PATJ: variants seen among roughly 807,000 people sequenced by gnomAD.
The protein encoded by PATJ is PATJ crumbs cell polarity complex component, also known as inaD-like protein.
Under a neutral mutation model 224.9 loss-of-function variants are expected in PATJ, and 190 were observed. That is an observed-to-expected ratio of 0.84 (90% CI 0.75 to 0.95). PATJ has a LOEUF of 0.95. Among genes scored for constraint, PATJ ranks in the 40% least tolerant of loss-of-function variants. The probability of loss-of-function intolerance (pLI) is 0.00; values close to 1 mark genes in which losing one functional copy is unlikely to be tolerated. For missense variants in PATJ, 2,121 were observed against 2,270.3 expected (o/e 0.93, Z 1.34); for synonymous variants, 769 against 820.3 (o/e 0.94, Z 1.07).
chr1:62,159,899 T>G (rs752659931), intron 43 of PATJ, among the ~76,000 whole-genome samples: 5 of 152,144 alleles, frequency 3.3e-5, no homozygotes, highest in Non-Finnish European at 7.3e-5. Context: ...TTCTCACGGT[T>G]TAGAAAACCT....
At chr1:61,986,762 C>G (rs1401915923) in intron 27 of PATJ, among the ~76,000 whole-genome samples, 8 of 152,126 alleles carry the variant, frequency 5.3e-5, no homozygotes, top group Non-Finnish European at 8.8e-5. Context: ...AAGAGCCTAT[C>G]TTATTAATGT....
At chr1:61,846,011 A>G (rs1661890428) in intron 17 of PATJ, 1 of 152,214 alleles carries the variant, frequency 6.6e-6, no homozygotes, top group South Asian at 2.1e-4. Context: ...TCTAAGTTAC[A>G]TATGCTCAGT....
At chr1:61,813,378 T>TATATACAC (rs1376176032) in intron 14 of PATJ, among the ~76,000 whole-genome samples, 1 of 46,354 alleles carries the variant, frequency 2.2e-5, no homozygotes. Context: ...TATATATATA[T>TATATACAC]ACACACACAC....
intron 1 of PATJ, among the ~76,000 whole-genome samples, 162 bp from the exon 2 acceptor site, chr1:61,762,696 C>T (rs555893526): frequency 1.9e-4 from 29 of 152,148 alleles, no homozygotes; most frequent in Non-Finnish European, 4.1e-4. Flanking sequence ...TTTTAGTTAC[C>T]TTAGTGGGTG....
intron 27 of PATJ, chr1:61,952,253 T>TGAGAGAGAGAGAGGGAGAGAGAGA (rs1679798758): frequency 2.2e-6 from 1 of 462,740 alleles, no homozygotes; most frequent in African/African-American, 2.5e-5. Context: ...GAACAAAATC[T>TGAGAGAGAGAGAGGGAGAGAGAGA]GAGAGAGAGA....
chr1:61,945,500 A>T (rs543645541), intron 27 of PATJ, among the ~76,000 whole-genome samples: 296 of 152,308 alleles, frequency 1.9e-3, no homozygotes, highest in South Asian at 5.4e-3. Context: ...ACATAATGGG[A>T]AAGGGATCAA....
chr1:61,784,456 T>C (rs181447796), intron 7 of PATJ, among the ~76,000 whole-genome samples: 198 of 152,342 alleles, frequency 1.3e-3, no homozygotes, highest in African/African-American at 4.3e-3. Flanking sequence ...TTTGTACTTA[T>C]GAATTCTTCA....
In PATJ at chr1:62,163,730, T is replaced by C. The variant is rs1156553067; in HGVS notation, c.*2676T>C. On this transcript the variant is annotated 3_prime_UTR_variant, in exon 44 of 44. Transcript: ENST00000642238. Reference sequence around the variant, plus strand: ...CTGACAAGCTGAGAGGCTATGAAGATGGAAATTTGTGAAAGAAGTAGTGCT... The same window carrying C: ...CTGACAAGCTGAGAGGCTATGAAGACGGAAATTTGTGAAAGAAGTAGTGCT... 1.3e-5 allele frequency: 2 copies of C among 152,176 alleles called. No individual in the cohort carries two copies. The highest frequency in any genetic ancestry group is 2.1e-4 in the South Asian group (1 of 4,826). The allele number at this position is 152,176 out of a possible 1,614,324, so 9.4% of individuals were successfully genotyped here.
intron 27 of PATJ, among the ~76,000 whole-genome samples, chr1:61,945,952 G>A (rs1678633005): frequency 6.6e-6 from 1 of 152,126 alleles, no homozygotes; most frequent in African/African-American, 2.4e-5. Flanking sequence ...TGAACAAACT[G>A]CTCCTGAATG....
intron 17 of PATJ, among the ~76,000 whole-genome samples, chr1:61,853,168 GT>G (rs1238167494): frequency 6.6e-6 from 1 of 152,178 alleles, no homozygotes; most frequent in Non-Finnish European, 1.5e-5. Flanking sequence ...GCCTCACTTT[GT>G]GTAAATTAGT....
At chr1:61,846,933 G>C (rs918322979) in intron 17 of PATJ, among the ~76,000 whole-genome samples, 1 of 152,198 alleles carries the variant, frequency 6.6e-6, no homozygotes, top group African/African-American at 2.4e-5. Context: ...GGGTACTACT[G>C]TCTGCCTGGT....
intron 28 of PATJ, among the ~76,000 whole-genome samples, chr1:61,994,219 T>A (rs1038548616): frequency 2.0e-5 from 3 of 152,272 alleles, no homozygotes; most frequent in Non-Finnish European, 4.4e-5. Context: ...AGGTGCTGTA[T>A]GAACAAAGTG....
At chr1:61,808,321 T>C (rs1056005973) in intron 13 of PATJ, among the ~76,000 whole-genome samples, 153 bp from the exon 14 acceptor site, 3 of 152,174 alleles carry the variant, frequency 2.0e-5, no homozygotes, top group African/African-American at 7.2e-5. Flanking sequence ...AATTTCACAT[T>C]ATGTGTTATA....
At chr1:62,139,570 T>C (rs905206840) in intron 41 of PATJ, among the ~76,000 whole-genome samples, 4 of 151,900 alleles carry the variant, frequency 2.6e-5, no homozygotes, top group African/African-American at 9.7e-5. Context: ...ACAGACCATA[T>C]CTCAGAGTTG....
At chr1:61,833,576 T>G in intron 16 of PATJ, 78 bp from the exon 17 acceptor site, 55 of 1,333,768 alleles carry the variant, frequency 4.1e-5, no homozygotes, top group Non-Finnish European at 5.1e-5. Context: ...GAAGAAGCTG[T>G]GAGATTCTTG....
chr1:62,153,763 G>C (rs558967242), intron 43 of PATJ, among the ~76,000 whole-genome samples: 104 of 152,154 alleles, frequency 6.8e-4, no homozygotes, highest in Non-Finnish European at 1.2e-3. Context: ...ATAAGGAGCA[G>C]TGCCACTCTT....
chr1:61,820,522 A>G (rs560209136), intron 14 of PATJ, among the ~76,000 whole-genome samples: 2 of 151,806 alleles, frequency 1.3e-5, no homozygotes, highest in East Asian at 3.9e-4. Flanking sequence ...TTGTATTTTT[A>G]GTAGAGATGG....
At chr1:61,993,255 T>TA (rs1645169000) in intron 28 of PATJ, among the ~76,000 whole-genome samples, 1 of 152,072 alleles carries the variant, frequency 6.6e-6, no homozygotes, top group Admixed American at 6.6e-5. Context: ...TAAAGGAAGT[T>TA]ACGAAGATAC....
chr1:61,760,640 A>T (rs1645914647), intron 1 of PATJ, among the ~76,000 whole-genome samples: 1 of 140,066 alleles, frequency 7.1e-6, no homozygotes, highest in African/African-American at 2.7e-5. Flanking sequence ...TTTTTGAGAC[A>T]GAGTCTGGCT....
Sources: allele counts gnomAD v4.1 joint callset (sites outside exome capture counted in the v4.1 genomes callset), GRCh38; gene constraint gnomAD v4.1.1; transcripts MANE v1.5; gene names NCBI Gene and HGNC (gene_info 2026-07-23, HGNC 2026-07-21).